The following ATRNL1 variants were observed in gnomAD, a reference collection of about 807,000 sequenced individuals.
The protein encoded by ATRNL1 is attractin like 1.
ATRNL1 carries 95 observed loss-of-function variants against 182.7 expected under a neutral mutation model. That is an observed-to-expected ratio of 0.52 (90% CI 0.44 to 0.62). The LOEUF (loss-of-function observed/expected upper bound fraction) is 0.62, where lower values mean the gene tolerates loss of function less well. ATRNL1 is among the 20% of genes least tolerant of loss of function. The pLI is 0.00. For missense variants in ATRNL1, 1,471 were observed against 1,679.5 expected (o/e 0.88, Z 2.17); for synonymous variants, 576 against 568.3 (o/e 1.01, Z -0.19).
intron 26 of ATRNL1, among the ~76,000 whole-genome samples, chr10:115,551,735 G>A (rs1406472491): frequency 1.3e-5 from 2 of 151,396 alleles, no homozygotes; most frequent in Non-Finnish European, 3.0e-5. Flanking sequence ...ATATATTGAT[G>A]TCCAAAGTAA....
At chr10:115,647,125 T>C (rs1185092314) in intron 26 of ATRNL1, among the ~76,000 whole-genome samples, 1 of 152,064 alleles carries the variant, frequency 6.6e-6, no homozygotes, top group African/African-American at 2.4e-5. Context: ...ACAAAGGACA[T>C]GAACTCATCC....
In ATRNL1 at chr10:115,334,387, A is replaced by G; in HGVS notation, c.3143A>G (p.Tyr1048Cys). 6.2e-7 allele frequency: 1 copy of G among 1,604,654 alleles called. No individual in the cohort carries two copies. The highest frequency in any genetic ancestry group is 8.5e-7 in the Non-Finnish European group (1 of 1,173,548). The part of the protein sequence containing the change: ...KQCQDCMPGY[Y>C]GDPTNGGQCT... ...TGTCAAGATTGTATGCCAGGTTATT[A>G]TGGAGATCCAACCAATGGTGGACAG... Residue 1048 changes from tyrosine to cysteine, a missense_variant, in exon 19 of 29, where the codon TAT (tyrosine) becomes TGT (cysteine). This residue lies in a region of ATRNL1 where 437 missense variants were observed against 506.0 expected (regional missense o/e 0.86). Coordinates refer to ENST00000355044, the MANE Select transcript of ATRNL1 (RefSeq NM_207303.4).
intron 6 of ATRNL1, among the ~76,000 whole-genome samples, chr10:115,162,472 A>G (rs1846837289): frequency 6.6e-6 from 1 of 152,064 alleles, no homozygotes; most frequent in South Asian, 2.1e-4. Flanking sequence ...TGCATGGAAT[A>G]TATGAGAGGG....
chr10:115,752,082 T>C (rs578144341), intron 27 of ATRNL1, among the ~76,000 whole-genome samples: 4 of 152,146 alleles, frequency 2.6e-5, no homozygotes, highest in African/African-American at 4.8e-5. Context: ...AGAATTAATA[T>C]GTGAATGAAT....
Position 115,112,113 on chromosome 10 carries a change from A to G in ATRNL1, c.294-8072A>G, listed in dbSNP as rs895665626. ...GTTTAACCAAAGAGGTAAAAGATCTATATGTAGAAAACTAGAAAACATTAA... is the reference window on the plus strand; with the variant it reads ...GTTTAACCAAAGAGGTAAAAGATCTGTATGTAGAAAACTAGAAAACATTAA... On this transcript the variant is annotated intron_variant, in intron 1 of 28. Coordinates refer to ENST00000355044, the MANE Select transcript of ATRNL1 (RefSeq NM_207303.4). Among the ~76,000 whole-genome samples, 7 of 152,318 alleles carry G rather than the reference A, an allele frequency of 4.6e-5. No individual in the cohort carries two copies. In the East Asian group the frequency reaches 1.4e-3, roughly 29 times the overall value.
At chr10:115,614,753 A>G (rs1342997141) in intron 26 of ATRNL1, among the ~76,000 whole-genome samples, 1 of 151,878 alleles carries the variant, frequency 6.6e-6, no homozygotes, top group Non-Finnish European at 1.5e-5. Flanking sequence ...TGCCAAACTG[A>G]TCTGTGTATC....
At chr10:115,184,670 TTAGAAACA>T (rs1256805943) in intron 8 of ATRNL1, among the ~76,000 whole-genome samples, 1 of 151,824 alleles carries the variant, frequency 6.6e-6, no homozygotes, top group Non-Finnish European at 1.5e-5. Flanking sequence ...TAGTCTTGAC[TTAGAAACA>T]TTGATTTTTA....
chr10:115,227,073 T>C (rs1217277026), intron 9 of ATRNL1, among the ~76,000 whole-genome samples: 2 of 152,240 alleles, frequency 1.3e-5, no homozygotes, highest in South Asian at 2.1e-4. Context: ...AATTGACAAG[T>C]AGGACCTAAT....
intron 20 of ATRNL1, among the ~76,000 whole-genome samples, chr10:115,423,317 T>C (rs1389396023): frequency 6.6e-6 from 1 of 152,056 alleles, no homozygotes; most frequent in Non-Finnish European, 1.5e-5. Context: ...GTGAATTGCT[T>C]GAGTCCAGGA....
chr10:115,196,462 T>C (rs567139891), intron 8 of ATRNL1, among the ~76,000 whole-genome samples: 180 of 152,226 alleles, frequency 1.2e-3, no homozygotes, highest in African/African-American at 4.1e-3. Context: ...TTGTCAATTT[T>C]TGAAAGAAGG....
intron 26 of ATRNL1, among the ~76,000 whole-genome samples, chr10:115,607,925 A>T (rs1044824618): frequency 1.3e-5 from 2 of 151,900 alleles, no homozygotes; most frequent in African/African-American, 4.8e-5. Context: ...ATTTTCTCAG[A>T]TTAGAGATGC....
rs184325317 is a variant in ATRNL1 at position 115,492,729 on chromosome 10, C to T, written c.3654+23400C>T. ...CACAATCTTGGCCCACTGCAAGCTC[C>T]GCCTCCCGGGTTCACACCATTCTCC... On this transcript the variant is annotated intron_variant, in intron 24 of 28. Transcript: ENST00000355044. Among the ~76,000 whole-genome samples, 5 of 148,300 alleles carry T rather than the reference C, an allele frequency of 3.4e-5. No homozygotes were observed. The East Asian group carries it at 9.8e-4, about 29-fold the overall frequency.
intron 8 of ATRNL1, among the ~76,000 whole-genome samples, chr10:115,190,698 A>AT (rs757582253): frequency 5.5e-4 from 84 of 152,120 alleles, no homozygotes; most frequent in Admixed American, 1.1e-3. Context: ...AGCCTTTATT[A>AT]TTTTTTGTGT....
At position 115,944,670 on chromosome 10, in the gene ATRNL1, C is replaced by T; in HGVS notation, c.4031C>T (p.Ala1344Val). Residue 1344 changes from alanine (A) to valine (V), a missense_variant, in exon 29 of 29, where the codon GCC becomes GTC. Physicochemically the swap from Ala to Val is moderately conservative, Grantham distance 64. Coordinates refer to ENST00000355044, the MANE Select transcript of ATRNL1 (RefSeq NM_207303.4). ...TCTTTCCTTCCAGGCCTTGCAATTG[C>T]CAGTGCCCTAATAGATATTTCACAA... is the stretch of plus-strand genomic sequence containing the variant. ...PPPGQSGLAIASALIDISQQK... is the reference protein window; with the variant it reads ...PPPGQSGLAIVSALIDISQQK... 1 of 1,609,984 alleles carries T rather than the reference C, an allele frequency of 6.2e-7. No homozygotes were observed. Among genetic ancestry groups the T allele is most frequent in the Non-Finnish European group, 8.5e-7 (1 of 1,177,582 alleles).
At chr10:115,758,517 A>G (rs1948650256) in intron 27 of ATRNL1, among the ~76,000 whole-genome samples, 1 of 152,138 alleles carries the variant, frequency 6.6e-6, no homozygotes, top group South Asian at 2.1e-4. Flanking sequence ...CCAGAGGGGC[A>G]CCCACCAGAT....
chr10:115,856,446 A>AAAAAAAAAAAAAC (rs1555102094), intron 28 of ATRNL1, among the ~76,000 whole-genome samples: 1 of 147,512 alleles, frequency 6.8e-6, no homozygotes. Context: ...AAAAAAAAAA[A>AAAAAAAAAAAAAC]AAAAGCCATA....
chr10:115,234,698 C>T (rs1444406928), intron 9 of ATRNL1, among the ~76,000 whole-genome samples: 1 of 151,380 alleles, frequency 6.6e-6, no homozygotes, highest in Non-Finnish European at 1.5e-5. Flanking sequence ...TCAAGCGATC[C>T]TCTCACTTTA....
At chr10:115,503,490 G>C (rs1298427891) in intron 24 of ATRNL1, among the ~76,000 whole-genome samples, 1 of 150,270 alleles carries the variant, frequency 6.7e-6, no homozygotes, top group Non-Finnish European at 1.5e-5. Context: ...AAAACGGTGA[G>C]ATGCAATACA....
At chr10:115,581,233 T>C (rs1411301319) in intron 26 of ATRNL1, among the ~76,000 whole-genome samples, 1 of 152,064 alleles carries the variant, frequency 6.6e-6, no homozygotes, top group Admixed American at 6.6e-5. Context: ...TTTATGCTTA[T>C]CTTAATCTCT....
Sources: gnomAD v4.1 joint callset for allele counts (sites outside exome capture counted in the v4.1 genomes callset) on GRCh38, gnomAD v4.1.1 for gene constraint, gnomAD v4.1.1 regional missense constraint, MANE v1.5 for transcripts, NCBI Gene and HGNC (gene_info 2026-07-23, HGNC 2026-07-21) for gene names.